FGFR2: variants seen among roughly 807,000 people sequenced by gnomAD.
FGFR2 encodes the protein fibroblast growth factor receptor 2.
FGFR2 carries 19 observed loss-of-function variants against 95.9 expected under a neutral mutation model. The observed-to-expected ratio is 0.20, with a 90% CI of 0.14 to 0.29. FGFR2 has a LOEUF of 0.29. FGFR2 is among the 10% of genes least tolerant of loss of function. FGFR2 has a pLI of 1.00. For synonymous variants in FGFR2, 392 were observed against 393.3 expected, an observed-to-expected ratio of 1.00 and a Z score of 0.04; for missense variants, 707 against 1,056.9, an observed-to-expected ratio of 0.67 and a Z score of 4.59.
intron 12 of FGFR2, among the ~76,000 whole-genome samples, chr10:121,497,273 T>G (rs1210884773): frequency 1.3e-5 from 2 of 152,202 alleles, no homozygotes; most frequent in Non-Finnish European, 2.9e-5. Context: ...GAGACACAGT[T>G]GACGTGCTCT....
chr10:121,545,400 T>G (rs982905235), intron 5 of FGFR2, among the ~76,000 whole-genome samples: 2 of 152,150 alleles, frequency 1.3e-5, no homozygotes, highest in African/African-American at 4.8e-5. Context: ...GTGCCACCTA[T>G]GAGGTAGGGG....
At chr10:121,502,186 T>C (rs1847684200) in intron 10 of FGFR2, among the ~76,000 whole-genome samples, 1 of 152,192 alleles carries the variant, frequency 6.6e-6, no homozygotes, top group Non-Finnish European at 1.5e-5. Context: ...ACTCCCCAGT[T>C]CAGTTATATA....
At chr10:121,563,724 T>C (rs1826409906) in intron 4 of FGFR2, among the ~76,000 whole-genome samples, 1 of 152,170 alleles carries the variant, frequency 6.6e-6, no homozygotes, top group African/African-American at 2.4e-5. Context: ...AGAAGTGAAA[T>C]GAGCAACTCA....
chr10:121,564,537 G>A lies in FGFR2; in HGVS notation c.419C>T (p.Ala140Val), dbSNP rs752501698. The A allele has an allele frequency of 5.0e-6, 8 of 1,613,822 alleles. No homozygotes were observed. The highest frequency in any genetic ancestry group is 3.3e-4 in the Middle Eastern group (2 of 6,084). The change falls in exon 4 of 18, where the codon GCG becomes GTG. Residue 140 changes from alanine to valine, a missense_variant. Coordinates refer to ENST00000358487, the MANE Select transcript of FGFR2 (RefSeq NM_000141.5). ...ACTGTTCTCACTGACAAAATCTTCCGCACCATCGGTGTCATCCTCATCATC... is the reference window on the plus strand; with the variant it reads ...ACTGTTCTCACTGACAAAATCTTCCACACCATCGGTGTCATCCTCATCATC... ...SGDDEDDTDGAEDFVSENSNN... is the reference protein window; with the variant it reads ...SGDDEDDTDGVEDFVSENSNN...
At chr10:121,543,811 C>T (rs1298669424) in intron 5 of FGFR2, among the ~76,000 whole-genome samples, 1 of 152,140 alleles carries the variant, frequency 6.6e-6, no homozygotes, top group South Asian at 2.1e-4. Context: ...TCCCTCTGCT[C>T]GGTAAACAAC....
chr10:121,560,888 TGAG>T (rs1434142346), intron 4 of FGFR2, among the ~76,000 whole-genome samples: 6 of 152,252 alleles, frequency 3.9e-5, no homozygotes, highest in Admixed American at 1.3e-4. Context: ...GCAGTGGGTC[TGAG>T]GAGGAACCTG....
chr10:121,504,903 C>T (rs1315899132), intron 9 of FGFR2, among the ~76,000 whole-genome samples: 2 of 152,226 alleles, frequency 1.3e-5, no homozygotes, highest in East Asian at 3.9e-4. Context: ...AGTCTGACCA[C>T]AGGCTGCTTG....
chr10:121,595,390 G>A (rs1863268698), intron 1 of FGFR2, among the ~76,000 whole-genome samples: 2 of 152,320 alleles, frequency 1.3e-5, no homozygotes, highest in East Asian at 1.9e-4. Flanking sequence ...CAGGTGAAAC[G>A]GTGTGATTCA....
chr10:121,507,654 A>G (rs533674490), intron 9 of FGFR2, among the ~76,000 whole-genome samples: 31 of 151,516 alleles, frequency 2.0e-4, no homozygotes, highest in African/African-American at 5.6e-4. Flanking sequence ...AAAATGAGGG[A>G]AAAAAAAACT....
intron 16 of FGFR2, among the ~76,000 whole-genome samples, chr10:121,484,180 GCC>G (rs568746803): frequency 1.3e-5 from 2 of 152,038 alleles, no homozygotes; most frequent in Non-Finnish European, 2.9e-5. Context: ...CTGACACCCT[GCC>G]CAGCACCAAA....
intron 1 of FGFR2, among the ~76,000 whole-genome samples, chr10:121,596,808 C>A (rs1004773222): frequency 6.6e-6 from 1 of 152,060 alleles, no homozygotes; most frequent in Non-Finnish European, 1.5e-5. Context: ...CTGTTTTTCT[C>A]CCCCTTCTCG....
chr10:121,574,616 C>T (rs1164792176), intron 2 of FGFR2, among the ~76,000 whole-genome samples: 1 of 152,086 alleles, frequency 6.6e-6, no homozygotes, highest in East Asian at 1.9e-4. Context: ...CCTTTGCATG[C>T]CCTGCCATGA....
rs751837122 is a variant in FGFR2, at chr10:121,478,942, C to T, written c.*915G>A. 3 of 233,318 alleles carry T rather than the reference C, an allele frequency of 1.3e-5. No homozygotes were observed. Among genetic ancestry groups the T allele is most frequent in the East Asian group, 1.2e-4 (2 of 16,552 alleles). 14.5% of individuals were successfully genotyped at this position (233,318 alleles called of 1,614,324 possible). ...GAAGTCCAGTTAGACGTTGCGTTGA[C>T]GTAATGACAGGGTTGCACACCAAAA... On this transcript the variant is annotated 3_prime_UTR_variant, in exon 18 of 18. Coordinates refer to ENST00000358487, the MANE Select transcript of FGFR2 (RefSeq NM_000141.5).
In FGFR2 at chr10:121,518,100, T is replaced by C. The variant is rs1231224096; in HGVS notation, c.940-637A>G. The C allele has an allele frequency of 4.2e-6, 2 of 474,516 alleles. No individual in the cohort carries two copies. The highest frequency in any genetic ancestry group is 3.2e-5 in the South Asian group (2 of 62,028). 29.4% of individuals were successfully genotyped at this position (474,516 alleles called of 1,614,324 possible). A position where few individuals can be genotyped will look rare whatever the true frequency, so the allele number is the denominator to read the frequency against. ...CTCTTTTCATTAATAAACATTTGGATGTGAGTCATGACAAACCTAAAAAGT... is the reference window on the plus strand; with the variant it reads ...CTCTTTTCATTAATAAACATTTGGACGTGAGTCATGACAAACCTAAAAAGT... On this transcript the variant is annotated intron_variant, in intron 7 of 17. Coordinates refer to ENST00000358487, the MANE Select transcript of FGFR2 (RefSeq NM_000141.5). This position sits in a 1 kb window ranked among gnomAD's most constrained non-coding sequence, Gnocchi z 4.0.
intron 2 of FGFR2, among the ~76,000 whole-genome samples, chr10:121,573,274 GA>G (rs1413266403): frequency 1.3e-5 from 2 of 152,272 alleles, no homozygotes; most frequent in East Asian, 3.9e-4. Context: ...TGTTAAGGAA[GA>G]AAAAAGCAGT....
intron 5 of FGFR2, among the ~76,000 whole-genome samples, chr10:121,545,009 G>A (rs1854302476): frequency 6.6e-6 from 1 of 152,162 alleles, no homozygotes; most frequent in Admixed American, 6.5e-5. Context: ...CAAATGTGGT[G>A]CCATGCACCT....
chr10:121,590,431 T>C (rs1223744118), intron 2 of FGFR2, among the ~76,000 whole-genome samples: 1 of 152,210 alleles, frequency 6.6e-6, no homozygotes, highest in African/African-American at 2.4e-5. Flanking sequence ...CATTGAGGAC[T>C]GCCCCCCTTC....
chr10:121,519,249 G>A (rs1850159266), intron 7 of FGFR2, among the ~76,000 whole-genome samples: 1 of 152,152 alleles, frequency 6.6e-6, no homozygotes, highest in African/African-American at 2.4e-5. Flanking sequence ...GGAGTTAAGA[G>A]CCAGCTGTAC....
chr10:121,486,893 T>G (rs146755028), intron 15 of FGFR2, among the ~76,000 whole-genome samples: 6 of 152,326 alleles, frequency 3.9e-5, no homozygotes, highest in African/African-American at 7.2e-5. Context: ...GGGATAAACA[T>G]AGAGAGTAGA....
Sources: gnomAD v4.1 joint callset for allele counts (sites outside exome capture counted in the v4.1 genomes callset) on GRCh38, gnomAD v4.1.1 for gene constraint, Gnocchi (gnomAD v3.1) non-coding constraint, MANE v1.5 for transcripts, NCBI Gene and HGNC (gene_info 2026-07-23, HGNC 2026-07-21) for gene names.